DLG5: variants seen among roughly 807,000 people sequenced by gnomAD.
DLG5 encodes the protein discs large MAGUK scaffold protein 5.
In DLG5, 48 loss-of-function variants were observed where a neutral mutation model predicts 189.8. That is an observed-to-expected ratio of 0.25 (90% CI 0.20 to 0.32). The LOEUF (loss-of-function observed/expected upper bound fraction) is 0.32, where lower values mean the gene tolerates loss of function less well. Ranked by LOEUF, DLG5 falls within the 10% of genes least tolerant of loss-of-function variation. DLG5 has a pLI of 1.00. For missense variants in DLG5, 2,160 were observed against 2,544.7 expected (o/e 0.85, Z 3.25); for synonymous variants, 1,016 against 1,054.1 (o/e 0.96, Z 0.70).
At chr10:77,863,837 C>T (rs1844567155) in intron 2 of DLG5, among the ~76,000 whole-genome samples, 1 of 152,124 alleles carries the variant, frequency 6.6e-6, no homozygotes, top group African/African-American at 2.4e-5. Flanking sequence ...TGGATGGAGA[C>T]AAAGAGCAGC....
intron 1 of DLG5, among the ~76,000 whole-genome samples, chr10:77,880,938 G>T (rs1303473348): frequency 6.9e-6 from 1 of 144,366 alleles, no homozygotes; most frequent in Non-Finnish European, 1.5e-5. Flanking sequence ...ACTCAAGCAG[G>T]ACTCTCATCC....
At position 77,794,922 on chromosome 10, in the gene DLG5, T is replaced by C. The variant is rs750605318; in HGVS notation, c.5473A>G (p.Ile1825Val). The C allele has an allele frequency of 2.5e-6, 4 of 1,613,988 alleles. No homozygotes were observed. In the East Asian group the frequency reaches 8.9e-5, roughly 36 times the overall value. The change falls in exon 30 of 32, where the codon ATT becomes GTT. Residue 1825 changes from isoleucine to valine, a missense_variant. Physicochemically the swap from Ile to Val is conservative, Grantham distance 29 (BLOSUM62 3). Around this residue, in one of 5 missense-constraint regions of DLG5, gnomAD observed 574 missense variants for 644.2 expected, o/e 0.89. Coordinates refer to ENST00000372391, the MANE Select transcript of DLG5 (RefSeq NM_004747.4). The stretch of plus-strand genomic sequence containing the variant: ...ATGTGCATGTGGTGGAGCCGCTCAA[T>C]AGCGTGCGGAGCAATGTCCAGGAGG... ...HCLLDIAPHA[I>V]ERLHHMHIYP...
intron 1 of DLG5, among the ~76,000 whole-genome samples, chr10:77,902,125 A>C (rs1192793088): frequency 1.3e-5 from 2 of 152,188 alleles, no homozygotes; most frequent in East Asian, 1.9e-4. Context: ...CCCTTCCAGG[A>C]CAGGCTTGGA....
At chr10:77,862,967 G>A (rs1844530151) in intron 2 of DLG5, among the ~76,000 whole-genome samples, 1 of 152,060 alleles carries the variant, frequency 6.6e-6, no homozygotes, top group South Asian at 2.1e-4. Context: ...AGATACAGAG[G>A]GCAGTGTTTT....
At chr10:77,873,615 A>G (rs2559654) in intron 1 of DLG5, among the ~76,000 whole-genome samples, 39,116 of 152,032 alleles carry the variant, frequency 0.26, 5,625 homozygotes, top group Admixed American at 0.39. Context: ...ATAGACCATG[A>G]GGCCCAAGAG....
At position 77,792,254 on chromosome 10, in the gene DLG5, C is replaced by G; in HGVS notation, c.*186G>C. On this transcript the variant is annotated 3_prime_UTR_variant, in exon 32 of 32. Transcript: ENST00000372391. ...GTGTGACACGGGCAGAGTGTGTGGG[C>G]CTGGGCCTGGATCGCACGCAGCCGT... 1 of 623,746 alleles carries G rather than the reference C, an allele frequency of 1.6e-6. No individual in the cohort carries two copies. The highest frequency in any genetic ancestry group is 2.8e-6 in the Non-Finnish European group (1 of 352,190). 38.6% of individuals were successfully genotyped at this position (623,746 alleles called of 1,614,324 possible).
the DLG5 span, among the ~76,000 whole-genome samples, chr10:77,935,933 G>C: frequency 6.6e-6 from 1 of 152,066 alleles, no homozygotes; most frequent in African/African-American, 2.4e-5. Flanking sequence ...AACTCCCCCA[G>C]GATGCTGAAA....
chr10:77,823,892 A>G (rs1842489980), intron 14 of DLG5, among the ~76,000 whole-genome samples: 1 of 152,024 alleles, frequency 6.6e-6, no homozygotes, highest in Non-Finnish European at 1.5e-5. Context: ...GCACAATCAC[A>G]ACTCACTGCC....
rs1031352863 is a variant in DLG5 at position 77,821,747 on chromosome 10, G to A, written c.2737C>T (p.Arg913Trp). ...GTCTCAAAGGGCAGCAGTGGCCGCC[G>A]GCCACGCACGTCCACCAGCCCAAAG... is the stretch of plus-strand genomic sequence containing the variant. Reference protein sequence around the residue: ...RGFGLVDVRGRRPLLPFETEV... With the variant: ...RGFGLVDVRGWRPLLPFETEV... The change falls in exon 15 of 32, where the codon CGG becomes TGG. Residue 913 changes from arginine to tryptophan, a missense_variant. Physicochemically the swap from Arg to Trp is moderately radical, Grantham distance 101 (BLOSUM62 -3). Transcript: ENST00000372391. 3.7e-6 allele frequency: 6 copies of A among 1,609,040 alleles called. No individual in the cohort carries two copies. The highest frequency in any genetic ancestry group is 4.2e-6 in the Non-Finnish European group (5 of 1,178,250).
In DLG5 at chr10:77,926,193, G is replaced by A. The variant is rs1348834221; in HGVS notation, c.304+24C>T. ...GAAGCGGAGGGCGCGTCCCAGAGGC[G>A]GGGGCCAAGGGTCTGCCACTCACCC... On this transcript the variant is annotated intron_variant, in intron 1 of 31. Coordinates refer to ENST00000372391, the MANE Select transcript of DLG5 (RefSeq NM_004747.4). This position sits in a 1 kb window ranked among gnomAD's most constrained non-coding sequence, Gnocchi z 5.2. The A allele has an allele frequency of 2.2e-6, 3 of 1,380,484 alleles. No individual in the cohort carries two copies. Among genetic ancestry groups the A allele is most frequent in the Admixed American group, 2.8e-5 (1 of 35,648 alleles). 85.5% of individuals were successfully genotyped at this position (1,380,484 alleles called of 1,614,324 possible).
chr10:77,913,616 T>A (rs559561695), intron 1 of DLG5, among the ~76,000 whole-genome samples: 1 of 152,240 alleles, frequency 6.6e-6, no homozygotes, highest in East Asian at 1.9e-4. Flanking sequence ...AGAGCTGGGG[T>A]CTGGCTCTGT....
intron 17 of DLG5, among the ~76,000 whole-genome samples, chr10:77,818,468 C>G (rs1270911): frequency 0.25 from 37,690 of 152,174 alleles, 5,330 homozygotes; most frequent in Admixed American, 0.38. Flanking sequence ...TCTTCATCAC[C>G]GCTGCAGGTC....
At chr10:77,843,975 T>C (rs972323803) in intron 5 of DLG5, among the ~76,000 whole-genome samples, 8 of 152,142 alleles carry the variant, frequency 5.3e-5, no homozygotes, top group African/African-American at 1.2e-4. Flanking sequence ...TCTATATCCT[T>C]AGAAAGGCCT....
intron 27 of DLG5, among the ~76,000 whole-genome samples, chr10:77,803,826 G>A (rs1365175541): frequency 6.7e-6 from 1 of 149,802 alleles, no homozygotes; most frequent in Non-Finnish European, 1.5e-5. Flanking sequence ...CAAAGAGAGT[G>A]AAGGAAAAAA....
intron 1 of DLG5, among the ~76,000 whole-genome samples, chr10:77,901,391 C>T (rs1459138306): frequency 1.3e-5 from 2 of 152,234 alleles, no homozygotes; most frequent in Admixed American, 6.5e-5. Flanking sequence ...AACAGCCCAT[C>T]TACAGTAGCA....
chr10:77,830,902 C>T, intron 9 of DLG5, 29 bp from the exon 10 acceptor site: 1 of 1,610,534 alleles, frequency 6.2e-7, no homozygotes, highest in Non-Finnish European at 8.5e-7. Context: ...ACGGTGACAG[C>T]CCCTTGGGAG....
chr10:77,871,633 C>G (rs970188056), intron 1 of DLG5, among the ~76,000 whole-genome samples: 6 of 150,186 alleles, frequency 4.0e-5, no homozygotes, highest in African/African-American at 1.2e-4. Flanking sequence ...ACCTCCACCT[C>G]CTGGGTTCAA....
At chr10:77,860,905 A>G (rs1455244350) in intron 2 of DLG5, among the ~76,000 whole-genome samples, 1 of 152,222 alleles carries the variant, frequency 6.6e-6, no homozygotes, top group Non-Finnish European at 1.5e-5. Context: ...AGAAATTAAA[A>G]CCAAGAAGAA....
intron 3 of DLG5, 74 bp downstream of exon 3, chr10:77,856,656 G>A: frequency 5.1e-6 from 8 of 1,563,832 alleles, no homozygotes; most frequent in Non-Finnish European, 6.1e-6. Flanking sequence ...GGGGTGTTTG[G>A]GGGTGACAGC....
Sources: allele counts gnomAD v4.1 joint callset (sites outside exome capture counted in the v4.1 genomes callset), GRCh38; gene constraint gnomAD v4.1.1; regional missense constraint gnomAD v4.1.1; non-coding constraint Gnocchi (gnomAD v3.1); transcripts MANE v1.5; gene names NCBI Gene and HGNC (gene_info 2026-07-23, HGNC 2026-07-21).